The following PTP4A3 variants were observed in gnomAD, a reference collection of about 807,000 sequenced individuals.
PTP4A3 encodes protein tyrosine phosphatase 4A3, also known as protein tyrosine phosphatase type IVA 3.
In PTP4A3, 9 loss-of-function variants were observed where a neutral mutation model predicts 15.2. That is an observed-to-expected ratio of 0.59 (90% CI 0.36 to 1.03). The LOEUF (loss-of-function observed/expected upper bound fraction) is 1.03. PTP4A3 is among the 50% of genes least tolerant of loss of function. PTP4A3 has a pLI of 0.02. For missense variants in PTP4A3, 234 were observed against 252.1 expected, an observed-to-expected ratio of 0.93 and a Z score of 0.49; for synonymous variants, 95 against 102.0, an observed-to-expected ratio of 0.93 and a Z score of 0.41.
intron 1 of PTP4A3, among the ~76,000 whole-genome samples, chr8:141,394,777 C>T (rs575039144): frequency 3.3e-5 from 5 of 152,238 alleles, no homozygotes; most frequent in East Asian, 1.9e-4. Context: ...GTCCGAGGGC[C>T]GATGAGCCCC....
At chr8:141,422,465 C>T (rs2130173242) in intron 2 of PTP4A3, 120 bp downstream of exon 2, 2 of 1,068,098 alleles carry the variant, frequency 1.9e-6, no homozygotes, top group Non-Finnish European at 2.8e-6. Context: ...GGGCTCACAG[C>T]CTTGGAACAA....
chr8:141,430,861 C>G, intron 5 of PTP4A3, 66 bp from the exon 6 acceptor site: 1 of 1,509,372 alleles, frequency 6.6e-7, no homozygotes, highest in South Asian at 1.1e-5. Context: ...TTCCAGCTCC[C>G]TGGGGCAGGT....
At chr8:141,394,266 A>G (rs1163698837) in intron 1 of PTP4A3, among the ~76,000 whole-genome samples, 1 of 151,386 alleles carries the variant, frequency 6.6e-6, no homozygotes, top group Non-Finnish European at 1.5e-5. Flanking sequence ...AGAGGGGCTG[A>G]GCTGGGAGCT....
Position 141,422,180 on chromosome 8 carries a change from G to A in PTP4A3, c.-61G>A. The A allele has an allele frequency of 1.3e-6, 2 of 1,530,148 alleles. No homozygotes were observed. Among genetic ancestry groups the A allele is most frequent in the Non-Finnish European group, 1.8e-6 (2 of 1,106,742 alleles). The allele number at this position is 1,530,148 out of a possible 1,614,324, so 94.8% of individuals were successfully genotyped here. Reference sequence around the variant, plus strand: ...TTTGGGGGTGTGTGGGGACTTCTCAGGTCGTGTCCCCAGCCTTCTCTGCAG... The same window carrying A: ...TTTGGGGGTGTGTGGGGACTTCTCAAGTCGTGTCCCCAGCCTTCTCTGCAG... On this transcript the variant is annotated 5_prime_UTR_variant, in exon 2 of 6. Coordinates refer to ENST00000521578, the MANE Select transcript of PTP4A3 (RefSeq NM_032611.3).
In PTP4A3 at chr8:141,393,231, A is replaced by G. The variant is rs140152370; in HGVS notation, c.-854+1147A>G. Among the ~76,000 whole-genome samples, 374 of 152,278 alleles carry G rather than the reference A, an allele frequency of 2.5e-3. 5 individuals are homozygous for G. The highest frequency in any genetic ancestry group is 6.8e-3 in the Middle Eastern group (2 of 294). ...AGGCCCACAAAGGTGGAGTTGGTGC[A>G]GCCCCTAGCCTGCGGGGCTAAGCAG... On this transcript the variant is annotated intron_variant, in intron 1 of 5. Coordinates refer to ENST00000521578, the MANE Select transcript of PTP4A3 (RefSeq NM_032611.3).
At chr8:141,418,329 C>T (rs1391733392) in intron 1 of PTP4A3, among the ~76,000 whole-genome samples, 1 of 152,242 alleles carries the variant, frequency 6.6e-6, no homozygotes, top group African/African-American at 2.4e-5. Context: ...TCTTAAGCTG[C>T]TGTGCCATCG....
intron 1 of PTP4A3, among the ~76,000 whole-genome samples, chr8:141,418,748 A>G (rs930693554): frequency 5.9e-5 from 9 of 152,112 alleles, no homozygotes; most frequent in Non-Finnish European, 8.8e-5. Context: ...GGCAGGGGCA[A>G]CCTGTCCCCA....
In PTP4A3 at chr8:141,430,997, C is replaced by T. The variant is rs750658384; in HGVS notation, c.475C>T (p.Arg159Trp). The change falls in exon 6 of 6, where the codon CGG becomes TGG. Residue 159 changes from arginine to tryptophan, a missense_variant. Transcript: ENST00000521578. ...GAAATACCGGCCCAAACAGAGGCTG[C>T]GGTTCAAAGACCCACACACGCACAA... is the stretch of plus-strand genomic sequence containing the variant. ...LEKYRPKQRL[R>W]FKDPHTHKTR... is the part of the protein sequence containing the mutation. The T allele has an allele frequency of 8.7e-6, 14 of 1,613,318 alleles. No homozygotes were observed. Among genetic ancestry groups the T allele is most frequent in the Middle Eastern group, 1.7e-4 (1 of 6,058 alleles).
At chr8:141,427,652 C>A in intron 4 of PTP4A3, 98 bp from the exon 5 acceptor site, 1 of 1,043,724 alleles carries the variant, frequency 9.6e-7, no homozygotes. Flanking sequence ...GATTCTGGGC[C>A]CCTTGGGCCC....
intron 1 of PTP4A3, among the ~76,000 whole-genome samples, chr8:141,400,033 G>A (rs1047330990): frequency 6.6e-6 from 1 of 152,246 alleles, no homozygotes; most frequent in Non-Finnish European, 1.5e-5. Context: ...TCAGCCTCCT[G>A]AGTAGCTGGG....
At position 141,431,158 on chromosome 8, in the gene PTP4A3, C is replaced by A. The variant is rs1033886305; in HGVS notation, c.*114C>A. 1.8e-5 allele frequency: 17 copies of A among 969,462 alleles called. No homozygotes were observed. The Admixed American group carries it at 2.7e-4, about 15-fold the overall frequency. 60.1% of individuals were successfully genotyped at this position (969,462 alleles called of 1,614,324 possible). A position where few individuals can be genotyped will look rare whatever the true frequency, so the allele number is the denominator to read the frequency against. ...AGCAGGGGCTCCAGGCCTTGGCTGG[C>A]CCCACATCGCCTTTTCCTCCCCGAC... On this transcript the variant is annotated 3_prime_UTR_variant, in exon 6 of 6. Transcript: ENST00000521578.
chr8:141,429,687 G>A (rs7820548), intron 5 of PTP4A3, among the ~76,000 whole-genome samples: 1 of 87,724 alleles, frequency 1.1e-5, no homozygotes, highest in Non-Finnish European at 2.4e-5. Context: ...TAAGGACCAG[G>A]TGGCGGGGAC....
At chr8:141,394,477 C>T (rs1381289918) in intron 1 of PTP4A3, among the ~76,000 whole-genome samples, 1 of 152,228 alleles carries the variant, frequency 6.6e-6, no homozygotes, top group African/African-American at 2.4e-5. Context: ...CACCTACTCC[C>T]TCTGGTCCCT....
At position 141,425,026 on chromosome 8, in the gene PTP4A3, T is replaced by C. The variant is rs1043560265; in HGVS notation, c.106-22T>C. ...CCTGCAGCCCCAGCCCAGCCCTGCC[T>C]CCTCCGTCCTCCCACCCCCAGGACC... is the stretch of plus-strand genomic sequence containing the variant. On this transcript the variant is annotated intron_variant, in intron 2 of 5. Coordinates refer to ENST00000521578, the MANE Select transcript of PTP4A3 (RefSeq NM_032611.3). The surrounding 1 kb of genome is among the most constrained non-coding windows in gnomAD (Gnocchi z 4.2). 5 of 1,596,798 alleles carry C rather than the reference T, an allele frequency of 3.1e-6. No homozygotes were observed. In the South Asian group the frequency reaches 5.5e-5, roughly 18 times the overall value.
chr8:141,404,819 C>G (rs759889734), intron 1 of PTP4A3, among the ~76,000 whole-genome samples: 1 of 152,180 alleles, frequency 6.6e-6, no homozygotes, highest in African/African-American at 2.4e-5. Context: ...GAGCTCCCTC[C>G]CGCACCTACC....
intron 1 of PTP4A3, among the ~76,000 whole-genome samples, chr8:141,403,159 C>T (rs888325037): frequency 3.3e-5 from 5 of 152,242 alleles, no homozygotes; most frequent in East Asian, 1.9e-4. Flanking sequence ...TGAGCCCCAT[C>T]AGCCTCTCCT....
intron 1 of PTP4A3, among the ~76,000 whole-genome samples, chr8:141,414,097 CAT>C (rs1271010323): frequency 6.6e-6 from 1 of 152,096 alleles, no homozygotes; most frequent in Non-Finnish European, 1.5e-5. Context: ...CGTGAGCACA[CAT>C]CTCTGTGTAT....
intron 1 of PTP4A3, among the ~76,000 whole-genome samples, chr8:141,418,641 A>C (rs1356687495): frequency 6.6e-6 from 1 of 152,136 alleles, no homozygotes; most frequent in African/African-American, 2.4e-5. Flanking sequence ...GGAGGGAAGG[A>C]GGTAGCAGGA....
chr8:141,405,866 G>GGCCTCCA (rs1417229424), intron 1 of PTP4A3, among the ~76,000 whole-genome samples: 1 of 152,142 alleles, frequency 6.6e-6, no homozygotes, highest in Admixed American at 6.5e-5. Flanking sequence ...GCATGCTCCT[G>GGCCTCCA]GCCTCCAGCA....
Sources: allele counts gnomAD v4.1 joint callset (sites outside exome capture counted in the v4.1 genomes callset), GRCh38; gene constraint gnomAD v4.1.1; non-coding constraint Gnocchi (gnomAD v3.1); transcripts MANE v1.5; gene names NCBI Gene and HGNC (gene_info 2026-07-23, HGNC 2026-07-21).